The following ABTB1 variants were observed in gnomAD, a reference collection of about 807,000 sequenced individuals.
ABTB1 encodes ankyrin repeat and BTB domain containing 1, also known as ankyrin repeat and BTB/POZ domain-containing protein 1.
ABTB1 carries 45 observed loss-of-function variants against 57.1 expected under a neutral mutation model. The ratio of observed to expected loss-of-function variants is 0.79; its 90% CI spans 0.62 to 1.01. The LOEUF (loss-of-function observed/expected upper bound fraction) is 1.01. Among genes scored for constraint, ABTB1 ranks in the 50% least tolerant of loss-of-function variants. The pLI, the probability that ABTB1 is intolerant of heterozygous loss-of-function variation, is 0.00. For missense variants in ABTB1, 630 were observed against 666.3 expected, an observed-to-expected ratio of 0.95 and a Z score of 0.60; for synonymous variants, 302 against 275.4, an observed-to-expected ratio of 1.10 and a Z score of -0.95.
chr3:127,679,551 C>T, intron 10 of ABTB1: 1 of 459,864 alleles, frequency 2.2e-6, no homozygotes, highest in Non-Finnish European at 4.4e-6. Flanking sequence ...GACTAGCTGC[C>T]TCTGTCCCAC....
chr3:127,674,470 G>A lies in ABTB1; in HGVS notation c.119+17G>A. 1 of 1,613,218 alleles carries A rather than the reference G, an allele frequency of 6.2e-7. No homozygotes were observed. Among genetic ancestry groups the A allele is most frequent in the East Asian group, 2.2e-5 (1 of 44,856 alleles). ...CACCCCCTTGTGAGTGCTGGAGAGA[G>A]GGGTGGGGAGGGTGGGGGTTGGTGC... is the stretch of plus-strand genomic sequence containing the variant. On this transcript the variant is annotated intron_variant, in intron 2 of 11. Transcript: ENST00000232744.
At chr3:127,677,627 C>A in intron 9 of ABTB1, 49 bp from the exon 10 acceptor site, 1 of 1,613,016 alleles carries the variant, frequency 6.2e-7, no homozygotes, top group South Asian at 1.1e-5. Context: ...TCTAGCTCCT[C>A]AGGAGACAGA....
chr3:127,677,582 T>TGCCCCTG lies in ABTB1; in HGVS notation c.861+25_861+31dup. 1 of 1,613,788 alleles carries TGCCCCTG rather than the reference T, an allele frequency of 6.2e-7. No individual in the cohort carries two copies. The highest frequency in any genetic ancestry group is 8.5e-7 in the Non-Finnish European group (1 of 1,179,984). On this transcript the variant is annotated intron_variant, in intron 9 of 11. Transcript: ENST00000232744. ...CCACAAGGTGCCTGTGCCCTCCTGTTGCCCCTGGCCCCAGCCCGTTGCCCT... is the reference window on the plus strand; with the variant it reads ...CCACAAGGTGCCTGTGCCCTCCTGTTGCCCCTGGCCCCTGGCCCCAGCCCGTTGCCCT...
At position 127,680,204 on chromosome 3, in the gene ABTB1, G is replaced by T. The variant is rs915417277; in HGVS notation, c.1230+19G>T. On this transcript the variant is annotated intron_variant, in intron 11 of 11. Transcript: ENST00000232744. ...TGAGAAGGTGGGCCAGTGGTCTGCA[G>T]TGGGTGGGAAGGAGGGGTGAGAGGG... is the stretch of plus-strand genomic sequence containing the variant. 2.5e-6 allele frequency: 4 copies of T among 1,613,536 alleles called. No individual in the cohort carries two copies. In the Admixed American group the frequency reaches 6.7e-5, roughly 27 times the overall value.
chr3:127,679,784 CCCTA>C, intron 10 of ABTB1, 197 bp from the exon 11 acceptor site: 1 of 365,186 alleles, frequency 2.7e-6, no homozygotes, highest in Non-Finnish European at 5.4e-6. Context: ...GTCTTCTGCC[CCCTA>C]GCGGTCCTGC....
chr3:127,673,736 GGCTGCT>G (rs1361018704), intron 1 of ABTB1: 1 of 156,140 alleles, frequency 6.4e-6, no homozygotes, highest in African/African-American at 2.4e-5. Flanking sequence ...GCTGGCGCCG[GGCTGCT>G]GTACTCCCGT....
chr3:127,674,110 A>T (rs538385663), intron 1 of ABTB1: 1 of 483,478 alleles, frequency 2.1e-6, no homozygotes, highest in East Asian at 3.8e-5. Flanking sequence ...CTGAAAGGCC[A>T]AAGGTCCAGC....
chr3:127,674,690 T>A, intron 3 of ABTB1, 90 bp downstream of exon 3: 1 of 1,468,026 alleles, frequency 6.8e-7, no homozygotes, highest in Non-Finnish European at 9.5e-7. Flanking sequence ...TTCAAAGGCC[T>A]TGATACACAT....
chr3:127,673,944 CCG>C (rs2074914221), intron 1 of ABTB1, among the ~76,000 whole-genome samples: 2 of 152,234 alleles, frequency 1.3e-5, no homozygotes, highest in Non-Finnish European at 2.9e-5. Context: ...TTGCTGTATC[CCG>C]CGACTCCTGC....
rs747821237 is a variant in ABTB1, at chr3:127,680,191, C to T, written c.1230+6C>T. 6.2e-7 allele frequency: 1 copy of T among 1,613,732 alleles called. No individual in the cohort carries two copies. The highest frequency in any genetic ancestry group is 1.7e-5 in the Admixed American group (1 of 60,026). ...TGGCCAAGGTCATTGAGAAGGTGGG[C>T]CAGTGGTCTGCAGTGGGTGGGAAGG... On this transcript the variant is annotated splice_donor_region_variant and intron_variant, in intron 11 of 11. Coordinates refer to ENST00000232744, the MANE Select transcript of ABTB1 (RefSeq NM_172027.3).
rs779839476 is a variant in ABTB1, at chr3:127,677,177, AGCCAG to A, written c.656_660del (p.Pro219HisfsTer36). On this transcript the variant is annotated frameshift_variant, in exon 8 of 12. Coordinates refer to ENST00000232744, the MANE Select transcript of ABTB1 (RefSeq NM_172027.3). LOFTEE classifies it high-confidence loss of function. Reference sequence around the variant, plus strand: ...TGTTCTTCCCCTGTAGTGGCGTCTAAGCCAGGCACGTGTGTGAAGGTGCTGACCAT... The same window carrying A: ...TGTTCTTCCCCTGTAGTGGCGTCTAAGCACGTGTGTGAAGGTGCTGACCAT... The A allele has an allele frequency of 1.2e-6, 2 of 1,613,480 alleles. No homozygotes were observed. Among genetic ancestry groups the A allele is most frequent in the Non-Finnish European group, 1.7e-6 (2 of 1,179,818 alleles).
rs1259503431 is a variant in ABTB1, at chr3:127,673,092, C to T, written c.56+11C>T. On this transcript the variant is annotated intron_variant, in intron 1 of 11. Coordinates refer to ENST00000232744, the MANE Select transcript of ABTB1 (RefSeq NM_172027.3). The stretch of plus-strand genomic sequence containing the variant: ...TGTGGGCCGAGTGCGGTGAGGACCT[C>T]GCAGTCCCGGGGAGGGTGCGGGAGG... The T allele has an allele frequency of 1.3e-6, 2 of 1,555,966 alleles. No individual in the cohort carries two copies. Among genetic ancestry groups the T allele is most frequent in the Admixed American group, 3.7e-5 (2 of 54,370 alleles).
Position 127,680,568 on chromosome 3 carries a change from C to T in ABTB1, c.*93C>T. 1 of 1,472,532 alleles carries T rather than the reference C, an allele frequency of 6.8e-7. No homozygotes were observed. The highest frequency in any genetic ancestry group is 1.1e-5 in the South Asian group (1 of 88,146). The allele number at this position is 1,472,532 out of a possible 1,614,324, so 91.2% of individuals were successfully genotyped here. ...GCAGCTCTTCTTCCTGCTCCCTGCACATTGAGGGCTTCATGGGGGGTGCGA... is the reference window on the plus strand; with the variant it reads ...GCAGCTCTTCTTCCTGCTCCCTGCATATTGAGGGCTTCATGGGGGGTGCGA... On this transcript the variant is annotated 3_prime_UTR_variant, in exon 12 of 12. Transcript: ENST00000232744.
chr3:127,678,317 T>TGTGCGTGC (rs1553749269), intron 10 of ABTB1: 4 of 158,126 alleles, frequency 2.5e-5, no homozygotes, highest in East Asian at 1.9e-4. Flanking sequence ...AGTGTGTGTG[T>TGTGCGTGC]GCGTGCGCGT....
rs771511963 is a variant in ABTB1, at chr3:127,674,632, CGTGGGTGCATGCATGTGTGCGT to C, written c.175+48_175+69del. 5.3e-5 allele frequency: 86 copies of C among 1,613,446 alleles called. No homozygotes were observed. The East Asian group carries it at 5.6e-4, about 10-fold the overall frequency. ...GCAGGGAGCCCGGCTCACGGGTGTGCGTGGGTGCATGCATGTGTGCGTGTGGGTGCATGCATGCGTGCGTGCA... is the reference window on the plus strand; with the variant it reads ...GCAGGGAGCCCGGCTCACGGGTGTGCGTGGGTGCATGCATGCGTGCGTGCA... On this transcript the variant is annotated intron_variant, in intron 3 of 11. Coordinates refer to ENST00000232744, the MANE Select transcript of ABTB1 (RefSeq NM_172027.3).
chr3:127,673,448 G>T (rs1277539192), intron 1 of ABTB1: 28 of 173,898 alleles, frequency 1.6e-4, no homozygotes, highest in Non-Finnish European at 2.4e-5. Context: ...CTCCAGACGT[G>T]GCCCCTTTCT....
Position 127,676,961 on chromosome 3 carries a change from C to T in ABTB1, c.527-6C>T. On this transcript the variant is annotated splice_polypyrimidine_tract_variant and splice_region_variant and intron_variant, in intron 6 of 11. Coordinates refer to ENST00000232744, the MANE Select transcript of ABTB1 (RefSeq NM_172027.3). The surrounding 1 kb of genome is among the most constrained non-coding windows in gnomAD (Gnocchi z 5.4). ...CGCAGGCCCTCATCCTCCCCACTGC[C>T]CCCAGGCCGCCTGGACATTGGCGTA... The T allele has an allele frequency of 1.9e-6, 3 of 1,612,826 alleles. No individual in the cohort carries two copies. Among genetic ancestry groups the T allele is most frequent in the Non-Finnish European group, 2.5e-6 (3 of 1,179,386 alleles).
intron 10 of ABTB1, chr3:127,678,076 C>CT (rs1167681339): frequency 3.0e-6 from 1 of 333,578 alleles, no homozygotes; most frequent in East Asian, 6.8e-5. Context: ...ACACTCCACA[C>CT]TTGTCAGCCA....
At chr3:127,677,108 G>T in intron 7 of ABTB1, 25 bp downstream of exon 7, 1 of 1,613,760 alleles carries the variant, frequency 6.2e-7, no homozygotes, top group Non-Finnish European at 8.5e-7. Flanking sequence ...TGGGGCCCGG[G>T]GCCATGGGTG....
Sources: allele counts gnomAD v4.1 joint callset (sites outside exome capture counted in the v4.1 genomes callset), GRCh38; gene constraint gnomAD v4.1.1; non-coding constraint Gnocchi (gnomAD v3.1); transcripts MANE v1.5; gene names NCBI Gene and HGNC (gene_info 2026-07-23, HGNC 2026-07-21).